SH3RF3: variants seen among roughly 807,000 people sequenced by gnomAD.
SH3RF3 encodes SH3 domain containing ring finger 3, also known as E3 ubiquitin-protein ligase SH3RF3.
A neutral mutation model predicts 66.3 loss-of-function variants in SH3RF3; 29 were observed. The ratio of observed to expected loss-of-function variants is 0.44; its 90% CI spans 0.33 to 0.60. The LOEUF is 0.60. SH3RF3 is among the 20% of genes least tolerant of loss of function. The pLI is 0.04. For synonymous variants in SH3RF3, 583 were observed against 532.0 expected (o/e 1.10, Z -1.32); for missense variants, 1,194 against 1,190.9 (o/e 1.00, Z -0.04).
intron 1 of SH3RF3, among the ~76,000 whole-genome samples, chr2:109,133,351 CAATGTGACTGGGACTT>C (rs1222785785): frequency 1.3e-5 from 2 of 152,160 alleles, no homozygotes; most frequent in African/African-American, 4.8e-5. Flanking sequence ...GTCTCTTTGA[CAATGTGACTGGGACTT>C]AATAGAGAAA....
intron 1 of SH3RF3, among the ~76,000 whole-genome samples, chr2:109,278,915 C>T (rs903476145): frequency 7.2e-5 from 11 of 152,166 alleles, no homozygotes; most frequent in South Asian, 2.1e-4. Context: ...GGCAGTAGTA[C>T]ACCCGAGGCT....
At chr2:109,300,676 ACCACCTTCCT>A (rs1681445229) in intron 1 of SH3RF3, among the ~76,000 whole-genome samples, 1 of 151,966 alleles carries the variant, frequency 6.6e-6, no homozygotes, top group African/African-American at 2.4e-5. Context: ...TCTCCATCCA[ACCACCTTCCT>A]CTTCCTCCTT....
intron 1 of SH3RF3, among the ~76,000 whole-genome samples, chr2:109,324,726 G>C (rs11123740): frequency 0.12 from 17,700 of 152,230 alleles, 1,228 homozygotes; most frequent in East Asian, 0.24. Context: ...GATGAAATTA[G>C]AATTGCTGCA....
chr2:109,474,985 G>GT lies in SH3RF3; in HGVS notation c.2149-15617dup, dbSNP rs1410503607. Among the ~76,000 whole-genome samples the GT allele has an allele frequency of 3.8e-4, 58 of 151,814 alleles. No homozygotes were observed. The South Asian group carries it at 5.8e-3, about 15-fold the overall frequency. On this transcript the variant is annotated intron_variant, in intron 8 of 9. Transcript: ENST00000309415. Reference sequence around the variant, plus strand: ...TTGGGTTTTTTTTGTTTGTTTGTTTGTTTGTTTTTTTGAGACGGAGTCTCG... The same window carrying GT: ...TTGGGTTTTTTTTGTTTGTTTGTTTGTTTTGTTTTTTTGAGACGGAGTCTCG...
At chr2:109,177,248 G>T (rs551461498) in intron 1 of SH3RF3, among the ~76,000 whole-genome samples, 1 of 152,316 alleles carries the variant, frequency 6.6e-6, no homozygotes, top group East Asian at 1.9e-4. Flanking sequence ...GGATTGTGAA[G>T]CAGGAAGATT....
chr2:109,324,653 C>CT (rs1218519580), intron 1 of SH3RF3, among the ~76,000 whole-genome samples: 7 of 152,186 alleles, frequency 4.6e-5, no homozygotes, highest in Admixed American at 3.9e-4. Context: ...GAAGTTGATC[C>CT]TTTCTCCTGG....
intron 1 of SH3RF3, among the ~76,000 whole-genome samples, chr2:109,271,700 GC>G (rs1558993977): frequency 6.6e-6 from 1 of 152,182 alleles, no homozygotes; most frequent in Non-Finnish European, 1.5e-5. Context: ...AGGACGAAGG[GC>G]CCCCCTCTGC....
Position 109,182,414 on chromosome 2 carries a change from C to G in SH3RF3, c.573+52301C>G, listed in dbSNP as rs976387691. Among the ~76,000 whole-genome samples the G allele has an allele frequency of 2.4e-4, 36 of 152,154 alleles. 1 individual carries two copies. The highest frequency in any genetic ancestry group is 8.0e-4 in the African/African-American group (33 of 41,422). The stretch of plus-strand genomic sequence containing the variant: ...CTAATCACCTCTTAAAGGTCCAAAC[C>G]CTCTGCATTAGGGATCAAATTTCCA... On this transcript the variant is annotated intron_variant, in intron 1 of 9. Coordinates refer to ENST00000309415, the MANE Select transcript of SH3RF3 (RefSeq NM_001099289.3).
chr2:109,338,022 G>A (rs1480872399), intron 1 of SH3RF3, among the ~76,000 whole-genome samples: 3 of 152,166 alleles, frequency 2.0e-5, no homozygotes, highest in Non-Finnish European at 4.4e-5. Context: ...GTGAGCCACC[G>A]CGCCCAGGCT....
At chr2:109,359,541 A>G (rs1574596294) in intron 2 of SH3RF3, among the ~76,000 whole-genome samples, 1 of 152,296 alleles carries the variant, frequency 6.6e-6, no homozygotes, top group Admixed American at 6.5e-5. Context: ...TCATGATACC[A>G]TTTACATTTA....
At chr2:109,154,818 C>A (rs143145624) in intron 1 of SH3RF3, among the ~76,000 whole-genome samples, 4 of 152,272 alleles carry the variant, frequency 2.6e-5, no homozygotes, top group African/African-American at 7.2e-5. Context: ...CTGCATAGAG[C>A]CTTCTGAAGC....
At position 109,503,417 on chromosome 2, in the gene SH3RF3, A is replaced by G. The variant is rs868220281; in HGVS notation, c.*1746A>G. ...GGCTACTTGTTACTTCCAGGTGGTC[A>G]CCACACGGCGGGGGTCATGCCTTTC... On this transcript the variant is annotated 3_prime_UTR_variant, in exon 10 of 10. Coordinates refer to ENST00000309415, the MANE Select transcript of SH3RF3 (RefSeq NM_001099289.3). 1.3e-5 allele frequency: 2 copies of G among 152,122 alleles called. No homozygotes were observed. The highest frequency in any genetic ancestry group is 2.9e-5 in the Non-Finnish European group (2 of 68,016). 9.4% of individuals were successfully genotyped at this position (152,122 alleles called of 1,614,324 possible). A position where few individuals can be genotyped will look rare whatever the true frequency, so the allele number is the denominator to read the frequency against.
intron 8 of SH3RF3, among the ~76,000 whole-genome samples, chr2:109,485,939 C>T (rs904054956): frequency 2.0e-5 from 3 of 152,274 alleles, no homozygotes; most frequent in Non-Finnish European, 4.4e-5. Context: ...TGGCTTCTCA[C>T]CTTCTGTCTG....
At chr2:109,224,592 T>G (rs1227661896) in intron 1 of SH3RF3, among the ~76,000 whole-genome samples, 1 of 152,196 alleles carries the variant, frequency 6.6e-6, no homozygotes, top group African/African-American at 2.4e-5. Context: ...GCGCAGTGGC[T>G]CACACCTGTA....
intron 8 of SH3RF3, among the ~76,000 whole-genome samples, chr2:109,456,444 G>A (rs1439648798): frequency 6.6e-6 from 1 of 152,214 alleles, no homozygotes; most frequent in Non-Finnish European, 1.5e-5. Flanking sequence ...ATAAACTGCT[G>A]GAGCATCGCT....
At chr2:109,168,443 TG>T (rs1398386909) in intron 1 of SH3RF3, among the ~76,000 whole-genome samples, 1 of 152,168 alleles carries the variant, frequency 6.6e-6, no homozygotes, top group East Asian at 1.9e-4. Flanking sequence ...GCTTGCGAGA[TG>T]GGCTCTTGGC....
intron 4 of SH3RF3, among the ~76,000 whole-genome samples, chr2:109,403,735 C>T (rs923676695): frequency 6.6e-6 from 1 of 152,210 alleles, no homozygotes; most frequent in Non-Finnish European, 1.5e-5. Flanking sequence ...GTTGCTGAAC[C>T]TCTTGGAGCC....
chr2:109,492,408 G>A (rs1416080463), intron 9 of SH3RF3, among the ~76,000 whole-genome samples: 3 of 152,142 alleles, frequency 2.0e-5, no homozygotes, highest in African/African-American at 7.2e-5. Flanking sequence ...CTGCTAACCA[G>A]TGAGAACGGA....
chr2:109,483,900 A>T (rs1360318016), intron 8 of SH3RF3, among the ~76,000 whole-genome samples: 2 of 151,950 alleles, frequency 1.3e-5, no homozygotes, highest in African/African-American at 4.8e-5. Flanking sequence ...CTCTGCAGCC[A>T]GGGCCACATC....
Sources: gnomAD v4.1 joint callset for allele counts (sites outside exome capture counted in the v4.1 genomes callset) on GRCh38, gnomAD v4.1.1 for gene constraint, MANE v1.5 for transcripts, NCBI Gene and HGNC (gene_info 2026-07-23, HGNC 2026-07-21) for gene names.